The following CALN1 variants were observed in gnomAD, a reference collection of about 807,000 sequenced individuals.
The protein encoded by CALN1 is calcium-binding protein 8.
A neutral mutation model predicts 30.6 loss-of-function variants in CALN1; 17 were observed. The observed-to-expected ratio is 0.56, with a 90% confidence interval of 0.38 to 0.83. The LOEUF (loss-of-function observed/expected upper bound fraction) is 0.83. Among genes scored for constraint, CALN1 ranks in the 40% least tolerant of loss-of-function variants. The probability of loss-of-function intolerance (pLI) is 0.00; values close to 1 mark genes in which losing one functional copy is unlikely to be tolerated. For synonymous variants in CALN1, 156 were observed against 131.4 expected (o/e 1.19, Z -1.28); for missense variants, 291 against 354.9 (o/e 0.82, Z 1.45).
chr7:72,178,478 G>A (rs1181359560), intron 3 of CALN1, among the ~76,000 whole-genome samples: 1 of 152,094 alleles, frequency 6.6e-6, no homozygotes, highest in Non-Finnish European at 1.5e-5. Flanking sequence ...GAATCACGAG[G>A]TCAGGAGTTC....
At chr7:72,249,221 C>A (rs966434697) in intron 3 of CALN1, among the ~76,000 whole-genome samples, 1 of 152,168 alleles carries the variant, frequency 6.6e-6, no homozygotes, top group Admixed American at 6.5e-5. Flanking sequence ...TGAAAAAAAT[C>A]AGACAGATTC....
intron 3 of CALN1, among the ~76,000 whole-genome samples, chr7:72,271,853 G>C (rs1471743922): frequency 6.6e-6 from 1 of 151,620 alleles, no homozygotes; most frequent in Non-Finnish European, 1.5e-5. Context: ...CCTGAGGTCA[G>C]GAATTCAAGA....
intron 3 of CALN1, among the ~76,000 whole-genome samples, chr7:72,140,016 A>T (rs1262743830): frequency 6.6e-6 from 1 of 152,004 alleles, no homozygotes; most frequent in Non-Finnish European, 1.5e-5. Flanking sequence ...GTGTCCTGTA[A>T]TCTCAGCAAT....
Position 72,203,304 on chromosome 7 carries a change from T to C in CALN1, c.244+75382A>G, listed in dbSNP as rs189213962. Among the ~76,000 whole-genome samples, 9 of 152,102 alleles carry C rather than the reference T, an allele frequency of 5.9e-5. No homozygotes were observed. In the East Asian group the frequency reaches 1.7e-3, roughly 29 times the overall value. On this transcript the variant is annotated intron_variant, in intron 3 of 6. Transcript: ENST00000395275. ...CCACCATGGCATATGTATACCTATGTAACAAACCTGCACATTCTGCACATG... is the reference window on the plus strand; with the variant it reads ...CCACCATGGCATATGTATACCTATGCAACAAACCTGCACATTCTGCACATG...
intron 5 of CALN1, chr7:71,942,318 G>A (rs907022373): frequency 2.2e-5 from 4 of 183,334 alleles, no homozygotes; most frequent in Non-Finnish European, 3.7e-5. Context: ...TCCTGGGCAG[G>A]ACCGGCTCTC....
chr7:72,040,993 G>A (rs1563001938), intron 4 of CALN1, among the ~76,000 whole-genome samples: 1 of 152,226 alleles, frequency 6.6e-6, no homozygotes, highest in Non-Finnish European at 1.5e-5. Context: ...AGTGGCAGCA[G>A]AGCTGATGCC....
intron 3 of CALN1, among the ~76,000 whole-genome samples, chr7:72,273,075 G>A (rs1477795997): frequency 6.6e-6 from 1 of 151,464 alleles, no homozygotes; most frequent in Non-Finnish European, 1.5e-5. Flanking sequence ...CAGAGCCATG[G>A]GCTACATGAA....
chr7:71,972,298 C>T (rs982912785), intron 5 of CALN1, among the ~76,000 whole-genome samples: 3 of 152,112 alleles, frequency 2.0e-5, no homozygotes, highest in African/African-American at 4.8e-5. Context: ...TTTTGTTGCA[C>T]GCTCAGGGAG....
intron 5 of CALN1, among the ~76,000 whole-genome samples, chr7:71,953,898 G>A (rs1057105293): frequency 6.6e-6 from 1 of 152,112 alleles, no homozygotes; most frequent in South Asian, 2.1e-4. Context: ...GACAGGGAGA[G>A]CTAGGCAGGC....
chr7:72,383,253 A>G (rs1448650006), intron 2 of CALN1, among the ~76,000 whole-genome samples: 3 of 152,182 alleles, frequency 2.0e-5, no homozygotes, highest in African/African-American at 4.8e-5. Flanking sequence ...TGGCAGAACA[A>G]TTTATTTTCC....
At chr7:71,898,021 G>T (rs1793644651) in intron 5 of CALN1, among the ~76,000 whole-genome samples, 1 of 130,916 alleles carries the variant, frequency 7.6e-6, no homozygotes, top group African/African-American at 3.0e-5. Context: ...GGGGGGGGGA[G>T]AGAGAGAGAG....
chr7:72,107,491 G>A (rs760872788), intron 3 of CALN1, among the ~76,000 whole-genome samples: 6 of 152,198 alleles, frequency 3.9e-5, no homozygotes, highest in Non-Finnish European at 7.3e-5. Context: ...TGTTTCACTT[G>A]GCAGGCAATC....
At chr7:72,208,820 A>C (rs1792085398) in intron 3 of CALN1, among the ~76,000 whole-genome samples, 1 of 152,222 alleles carries the variant, frequency 6.6e-6, no homozygotes, top group Non-Finnish European at 1.5e-5. Flanking sequence ...ATGCAAAAGC[A>C]GGAGAAGTGA....
At chr7:71,902,258 AACCAACCAATC>A (rs1350503021) in intron 5 of CALN1, among the ~76,000 whole-genome samples, 6 of 134,310 alleles carry the variant, frequency 4.5e-5, no homozygotes, top group African/African-American at 1.5e-4. Context: ...CCAACCAACC[AACCAACCAATC>A]AAAAAAAAAA....
chr7:72,302,555 G>C (rs1164891026), intron 2 of CALN1, among the ~76,000 whole-genome samples: 1 of 152,198 alleles, frequency 6.6e-6, no homozygotes, highest in East Asian at 1.9e-4. Context: ...CGGAGGTGCA[G>C]GCATTCCAGA....
At chr7:72,050,720 G>T (rs1802779423) in intron 4 of CALN1, among the ~76,000 whole-genome samples, 2 of 152,080 alleles carry the variant, frequency 1.3e-5, no homozygotes, top group African/African-American at 4.8e-5. Context: ...ATTATTTTGG[G>T]CTGGGTTTGG....
chr7:72,136,112 G>A (rs1273741036), intron 3 of CALN1, among the ~76,000 whole-genome samples: 2 of 118,124 alleles, frequency 1.7e-5, no homozygotes, highest in African/African-American at 3.6e-5. Flanking sequence ...TCCAGCCTGG[G>A]CAACAGAAAA....
the CALN1 span, among the ~76,000 whole-genome samples, chr7:72,474,475 CAA>C: frequency 1.3e-5 from 2 of 151,686 alleles, no homozygotes; most frequent in African/African-American, 2.4e-5. Flanking sequence ...CGCTTGAACC[CAA>C]GAGTCCAAGA....
chr7:71,992,573 G>A (rs1799011646), intron 5 of CALN1, among the ~76,000 whole-genome samples: 1 of 152,054 alleles, frequency 6.6e-6, no homozygotes, highest in Non-Finnish European at 1.5e-5. Context: ...GCCCAGGTTT[G>A]TCTCAAACTC....
Sources: allele counts gnomAD v4.1 joint callset (sites outside exome capture counted in the v4.1 genomes callset), GRCh38; gene constraint gnomAD v4.1.1; transcripts MANE v1.5; gene names NCBI Gene and HGNC (gene_info 2026-07-23, HGNC 2026-07-21).